The following NPSR1 variants were observed in gnomAD, a reference collection of about 807,000 sequenced individuals.
NPSR1 encodes the protein neuropeptide S receptor 1.
NPSR1 carries 48 observed loss-of-function variants against 46.9 expected under a neutral mutation model. The observed-to-expected ratio is 1.02, with a 90% CI of 0.81 to 1.30. NPSR1 has a LOEUF of 1.30. NPSR1 is among the 50% of genes most tolerant of loss of function. The pLI, the probability that NPSR1 is intolerant of heterozygous loss-of-function variation, is 0.00. For missense variants in NPSR1, 450 were observed against 449.5 expected, an observed-to-expected ratio of 1.00 and a Z score of -0.01; for synonymous variants, 176 against 168.1, an observed-to-expected ratio of 1.05 and a Z score of -0.36.
intron 3 of NPSR1, among the ~76,000 whole-genome samples, chr7:34,810,094 T>G (rs1788908503): frequency 6.6e-6 from 1 of 152,176 alleles, no homozygotes. Flanking sequence ...ACAATGTGCT[T>G]GATTGTTATT....
chr7:34,802,995 T>C (rs1282962160), intron 3 of NPSR1, among the ~76,000 whole-genome samples: 2 of 150,208 alleles, frequency 1.3e-5, no homozygotes, highest in Non-Finnish European at 1.5e-5. Flanking sequence ...ATCAGAGAAA[T>C]GCAAATCAAA....
chr7:34,776,361 T>G (rs1786958907), intron 2 of NPSR1, among the ~76,000 whole-genome samples: 1 of 152,188 alleles, frequency 6.6e-6, no homozygotes, highest in Non-Finnish European at 1.5e-5. Context: ...CAATATTTAA[T>G]TTATATGTCT....
At position 34,760,874 on chromosome 7, in the gene NPSR1, C is replaced by T. The variant is rs62462887; in HGVS notation, c.281-17588C>T. ...ACATCTCTACAAAGAATCAGTGATTCTTAGACCTCTAAGAGGAGCCAGTGT... is the reference window on the plus strand; with the variant it reads ...ACATCTCTACAAAGAATCAGTGATTTTTAGACCTCTAAGAGGAGCCAGTGT... On this transcript the variant is annotated intron_variant, in intron 2 of 8. Coordinates refer to ENST00000360581, the MANE Select transcript of NPSR1 (RefSeq NM_207172.2). Among the ~76,000 whole-genome samples, 736 of 152,252 alleles carry T rather than the reference C, an allele frequency of 4.8e-3. 4 individuals carry two copies. Among genetic ancestry groups the T allele is most frequent in the Admixed American group, 0.011 (175 of 15,284 alleles).
intron 4 of NPSR1, among the ~76,000 whole-genome samples, chr7:34,817,720 A>G (rs1298873790): frequency 6.6e-6 from 1 of 151,792 alleles, no homozygotes; most frequent in Admixed American, 6.6e-5. Flanking sequence ...CTTATCCACC[A>G]TGATCAAGTC....
intron 3 of NPSR1, among the ~76,000 whole-genome samples, chr7:34,786,430 C>T (rs528884374): frequency 7.9e-5 from 12 of 152,246 alleles, no homozygotes; most frequent in Non-Finnish European, 1.6e-4. Flanking sequence ...AAATCTTGAA[C>T]CCATCAAAGT....
At chr7:34,784,335 CTTA>C (rs1156875761) in intron 3 of NPSR1, among the ~76,000 whole-genome samples, 1 of 151,984 alleles carries the variant, frequency 6.6e-6, no homozygotes, top group Non-Finnish European at 1.5e-5. Flanking sequence ...ATAGATAGCT[CTTA>C]TTATTTTGAG....
intron 3 of NPSR1, among the ~76,000 whole-genome samples, chr7:34,791,302 T>C (rs1787868131): frequency 7.0e-6 from 1 of 143,120 alleles, no homozygotes; most frequent in African/African-American, 2.5e-5. Context: ...ATATAAAATA[T>C]ATAATATATA....
chr7:34,839,951 G>A (rs1188399168), intron 6 of NPSR1, among the ~76,000 whole-genome samples: 2 of 152,140 alleles, frequency 1.3e-5, no homozygotes, highest in Non-Finnish European at 2.9e-5. Context: ...TAGTCTAGTT[G>A]TGTGCCCTGG....
At chr7:34,765,915 A>G (rs764005248) in intron 2 of NPSR1, among the ~76,000 whole-genome samples, 2 of 152,210 alleles carry the variant, frequency 1.3e-5, no homozygotes, top group African/African-American at 2.4e-5. Context: ...GCAAGGGATG[A>G]AAATCCAGCT....
At chr7:34,723,279 C>T (rs1012803756) in intron 2 of NPSR1, 1 of 152,630 alleles carries the variant, frequency 6.6e-6, no homozygotes, top group Non-Finnish European at 1.5e-5. Flanking sequence ...ACCCCAATTA[C>T]TTACAATAGC....
At chr7:34,874,060 G>A (rs959702012) in intron 8 of NPSR1, among the ~76,000 whole-genome samples, 1 of 151,556 alleles carries the variant, frequency 6.6e-6, no homozygotes, top group African/African-American at 2.4e-5. Context: ...GGAGAAGACT[G>A]AGGCCCAGAG....
chr7:34,673,410 CTGAG>C (rs1280191963), intron 1 of NPSR1, among the ~76,000 whole-genome samples: 7 of 152,184 alleles, frequency 4.6e-5, no homozygotes, highest in African/African-American at 1.7e-4. Flanking sequence ...CACTTCCGGC[CTGAG>C]TGTCATTTCT....
intron 3 of NPSR1, among the ~76,000 whole-genome samples, chr7:34,799,016 A>G (rs1189900729): frequency 6.6e-6 from 1 of 152,168 alleles, no homozygotes; most frequent in Non-Finnish European, 1.5e-5. Context: ...AAAATGTGAT[A>G]TTAATAAACT....
At chr7:34,687,781 T>G (rs190519155) in intron 2 of NPSR1, among the ~76,000 whole-genome samples, 10 of 152,304 alleles carry the variant, frequency 6.6e-5, no homozygotes, top group African/African-American at 2.4e-4. Context: ...CTACAATAAT[T>G]AGAAAAGCTG....
chr7:34,874,175 A>T (rs1424679912), intron 8 of NPSR1, among the ~76,000 whole-genome samples: 1 of 152,146 alleles, frequency 6.6e-6, no homozygotes, highest in Non-Finnish European at 1.5e-5. Context: ...CCAGTCAGCT[A>T]AGGGGAGCCT....
intron 2 of NPSR1, among the ~76,000 whole-genome samples, chr7:34,703,512 A>C (rs1371724238): frequency 4.6e-5 from 7 of 152,140 alleles, no homozygotes; most frequent in Admixed American, 4.6e-4. Context: ...ATTCATGAAA[A>C]GAAAACACAT....
chr7:34,670,857 C>T (rs1457368051), intron 1 of NPSR1, among the ~76,000 whole-genome samples: 1 of 151,826 alleles, frequency 6.6e-6, no homozygotes, highest in Non-Finnish European at 1.5e-5. Context: ...ATATATAAAG[C>T]ACAGAACAGT....
chr7:34,792,734 T>TATTTATATATATATGTATATATATA (rs58315247), intron 3 of NPSR1, among the ~76,000 whole-genome samples: 1 of 123,318 alleles, frequency 8.1e-6, no homozygotes, highest in Non-Finnish European at 1.7e-5. Context: ...TATATATATA[T>TATTTATATATATATGTATATATATA]TAGCCAGGCA....
chr7:34,777,726 T>G (rs1787036617), intron 2 of NPSR1, among the ~76,000 whole-genome samples: 1 of 152,136 alleles, frequency 6.6e-6, no homozygotes, highest in Non-Finnish European at 1.5e-5. Flanking sequence ...AAATTAGTGA[T>G]GTCTGTCATG....
Sources: gnomAD v4.1 joint callset for allele counts (sites outside exome capture counted in the v4.1 genomes callset) on GRCh38, gnomAD v4.1.1 for gene constraint, MANE v1.5 for transcripts, NCBI Gene and HGNC (gene_info 2026-07-23, HGNC 2026-07-21) for gene names.